PIK3C2G: variants seen among roughly 807,000 people sequenced by gnomAD.
PIK3C2G encodes the protein phosphatidylinositol 3-kinase C2 domain-containing subunit gamma.
Under a neutral mutation model 181.1 loss-of-function variants are expected in PIK3C2G, and 168 were observed. The ratio of observed to expected loss-of-function variants is 0.93; its 90% CI spans 0.82 to 1.05. The LOEUF (loss-of-function observed/expected upper bound fraction) is 1.05, where lower values mean the gene tolerates loss of function less well. Ranked by LOEUF, PIK3C2G falls within the 50% of genes least tolerant of loss-of-function variation. PIK3C2G has a pLI of 0.00. For missense variants in PIK3C2G, 1,869 were observed against 1,732.8 expected (o/e 1.08, Z -1.40); for synonymous variants, 573 against 592.2 (o/e 0.97, Z 0.47).
chr12:18,694,904 T>C, the PIK3C2G span: 3 of 1,575,754 alleles, frequency 1.9e-6, no homozygotes, highest in African/African-American at 4.1e-5. Context: ...AATTTATTAA[T>C]CTTACCCTTA....
At chr12:18,483,806 C>T (rs947035188) in intron 18 of PIK3C2G, among the ~76,000 whole-genome samples, 1 of 152,070 alleles carries the variant, frequency 6.6e-6, no homozygotes, top group African/African-American at 2.4e-5. Flanking sequence ...CAACAAATAG[C>T]CCCACAGTTT....
intron 1 of PIK3C2G, among the ~76,000 whole-genome samples, chr12:18,249,146 C>T (rs1363037867): frequency 1.3e-5 from 2 of 152,076 alleles, no homozygotes; most frequent in Admixed American, 1.3e-4. Context: ...ATACTTCATT[C>T]CCTGCCACCA....
At chr12:18,717,668 G>T in the PIK3C2G span, among the ~76,000 whole-genome samples, 1 of 151,938 alleles carries the variant, frequency 6.6e-6, no homozygotes, top group Admixed American at 6.6e-5. Context: ...CTTCTCTCTT[G>T]GGCTTCAACA....
intron 24 of PIK3C2G, among the ~76,000 whole-genome samples, chr12:18,533,400 C>T (rs868144074): frequency 3.9e-5 from 6 of 152,148 alleles, no homozygotes; most frequent in African/African-American, 1.2e-4. Context: ...TTCTAATTAT[C>T]GTGAAATCCT....
At chr12:18,538,082 C>T (rs543014758) in intron 24 of PIK3C2G, 74 bp from the exon 25 acceptor site, 16 of 1,342,538 alleles carry the variant, frequency 1.2e-5, no homozygotes, top group South Asian at 8.0e-5. Context: ...GAAAATAAGT[C>T]GTTATAACTG....
the PIK3C2G span, among the ~76,000 whole-genome samples, chr12:18,654,211 C>T: frequency 6.6e-5 from 10 of 151,432 alleles, no homozygotes; most frequent in African/African-American, 2.4e-4. Context: ...TCAATATACT[C>T]AGGTCCAACT....
intron 25 of PIK3C2G, among the ~76,000 whole-genome samples, chr12:18,539,594 T>A (rs944101671): frequency 3.3e-5 from 5 of 151,906 alleles, no homozygotes; most frequent in Admixed American, 6.6e-5. Flanking sequence ...AGTAGCCACG[T>A]TTGGCTAGTG....
the PIK3C2G span, chr12:18,700,064 T>A: frequency 8.5e-5 from 76 of 889,568 alleles, no homozygotes; most frequent in Admixed American, 4.3e-4. Context: ...TTCATAAGAT[T>A]ATCTCCTCAA....
intron 1 of PIK3C2G, among the ~76,000 whole-genome samples, chr12:18,277,152 A>G (rs1024125875): frequency 6.6e-6 from 1 of 152,200 alleles, no homozygotes; most frequent in African/African-American, 2.4e-5. Flanking sequence ...AGATAAATCT[A>G]TCTATCTATC....
rs188707556 is a variant in PIK3C2G at position 18,363,943 on chromosome 12, C to A, written c.1748+1057C>A. ...CCTTCTTTGGGTAAGGTTCTTTATT[C>A]CTTTGACCAAAGACCTGACATTCAA... On this transcript the variant is annotated intron_variant, in intron 12 of 32. Transcript: ENST00000538779. 2.4e-3 allele frequency among the ~76,000 whole-genome samples: 361 copies of A among 152,234 alleles called. 6 individuals carry two copies. The highest frequency in any genetic ancestry group is 3.2e-4 in the Non-Finnish European group (22 of 68,016).
intron 2 of PIK3C2G, 147 bp from the exon 3 acceptor site, chr12:18,286,700 A>G: frequency 1.9e-6 from 1 of 523,372 alleles, no homozygotes; most frequent in Non-Finnish European, 3.4e-6. Flanking sequence ...GCATTTTTCT[A>G]TGTGTAAATA....
chr12:18,362,513 C>T (rs1941326106), intron 11 of PIK3C2G, among the ~76,000 whole-genome samples: 1 of 152,186 alleles, frequency 6.6e-6, no homozygotes, highest in Non-Finnish European at 1.5e-5. Context: ...TAACTGGTTT[C>T]TGGTTTTCTT....
At chr12:18,318,847 C>T (rs1309990863) in intron 6 of PIK3C2G, among the ~76,000 whole-genome samples, 1 of 150,202 alleles carries the variant, frequency 6.7e-6, no homozygotes, top group African/African-American at 2.4e-5. Context: ...CTAATCCCAG[C>T]ACTTTGGGAG....
intron 32 of PIK3C2G, among the ~76,000 whole-genome samples, chr12:18,644,367 C>A (rs892204347): frequency 6.6e-6 from 1 of 152,256 alleles, no homozygotes; most frequent in Non-Finnish European, 1.5e-5. Flanking sequence ...TAAAAACCAT[C>A]ATTTTTCACA....
intron 16 of PIK3C2G, among the ~76,000 whole-genome samples, chr12:18,404,188 A>G (rs1944399014): frequency 6.6e-6 from 1 of 152,094 alleles, no homozygotes; most frequent in Non-Finnish European, 1.5e-5. Flanking sequence ...TGTACATTTA[A>G]TTTATACTGA....
intron 15 of PIK3C2G, among the ~76,000 whole-genome samples, chr12:18,392,872 G>A (rs550141099): frequency 7.2e-5 from 11 of 152,124 alleles, no homozygotes; most frequent in African/African-American, 2.4e-4. Context: ...ATAAAAAGTT[G>A]CCTTAAGAAC....
At chr12:18,343,218 G>C (rs1939305826) in intron 9 of PIK3C2G, 109 bp from the exon 10 acceptor site, 1 of 638,646 alleles carries the variant, frequency 1.6e-6, no homozygotes, top group African/African-American at 1.9e-5. Flanking sequence ...ATATTTTGTT[G>C]TTTTACCATG....
intron 18 of PIK3C2G, among the ~76,000 whole-genome samples, chr12:18,451,205 T>C (rs567642538): frequency 6.6e-6 from 1 of 152,228 alleles, no homozygotes; most frequent in Non-Finnish European, 1.5e-5. Flanking sequence ...TTCCTATCCA[T>C]GAGCATGGAA....
At chr12:18,407,517 G>T (rs1048763552) in intron 16 of PIK3C2G, among the ~76,000 whole-genome samples, 2 of 152,000 alleles carry the variant, frequency 1.3e-5, no homozygotes, top group African/African-American at 4.8e-5. Context: ...TAGACACTTT[G>T]CTAGGCCCTG....
Sources: allele counts gnomAD v4.1 joint callset (sites outside exome capture counted in the v4.1 genomes callset), GRCh38; gene constraint gnomAD v4.1.1; transcripts MANE v1.5; gene names NCBI Gene and HGNC (gene_info 2026-07-23, HGNC 2026-07-21).